Variants in RBFOX1 observed in about 807,000 individuals in gnomAD.
The protein encoded by RBFOX1 is RNA binding fox-1 homolog 1.
A neutral mutation model predicts 57.7 loss-of-function variants in RBFOX1; 8 were observed. That is an observed-to-expected ratio of 0.14 (90% CI 0.08 to 0.25). The LOEUF is 0.25. Among genes scored for constraint, RBFOX1 ranks in the 10% least tolerant of loss-of-function variants. The pLI, the probability that RBFOX1 is intolerant of heterozygous loss-of-function variation, is 1.00. For synonymous variants in RBFOX1, 326 were observed against 222.4 expected, an observed-to-expected ratio of 1.47 and a Z score of -4.15; for missense variants, 611 against 548.5, an observed-to-expected ratio of 1.11 and a Z score of -1.14.
chr16:7,618,066 C>T (rs1478208070), intron 10 of RBFOX1, among the ~76,000 whole-genome samples: 1 of 151,828 alleles, frequency 6.6e-6, no homozygotes, highest in African/African-American at 2.4e-5. Flanking sequence ...AATTTCTGAG[C>T]CAAGTTGACG....
chr16:6,042,326 C>G (rs2095446103), intron 1 of RBFOX1, among the ~76,000 whole-genome samples: 1 of 152,022 alleles, frequency 6.6e-6, no homozygotes, highest in South Asian at 2.1e-4. Flanking sequence ...GTCTCGATCT[C>G]TTAACATTGG....
chr16:6,608,578 C>T (rs909836125), intron 2 of RBFOX1, among the ~76,000 whole-genome samples: 1 of 152,080 alleles, frequency 6.6e-6, no homozygotes, highest in African/African-American at 2.4e-5. Flanking sequence ...CGCTTGAGAC[C>T]AGGAGTTTGA....
intron 1 of RBFOX1, among the ~76,000 whole-genome samples, chr16:6,100,599 T>C (rs548083046): frequency 5.1e-4 from 78 of 152,224 alleles, no homozygotes; most frequent in Admixed American, 1.1e-3. Flanking sequence ...TTCTCTTTTT[T>C]TGTCACATAA....
At chr16:6,289,124 T>C (rs1291236564) in intron 1 of RBFOX1, among the ~76,000 whole-genome samples, 1 of 152,180 alleles carries the variant, frequency 6.6e-6, no homozygotes, top group Non-Finnish European at 1.5e-5. Context: ...AAAAAGGGAA[T>C]TTACTTATCT....
At chr16:5,446,831 T>G (rs2068254524) in intron 1 of RBFOX1, among the ~76,000 whole-genome samples, 1 of 152,040 alleles carries the variant, frequency 6.6e-6, no homozygotes, top group African/African-American at 2.4e-5. Flanking sequence ...GCACTGTGTA[T>G]TAGGTGGCAT....
chr16:6,612,863 A>AAATAAT (rs60899951), intron 2 of RBFOX1, among the ~76,000 whole-genome samples: 58,575 of 131,806 alleles, frequency 0.44, 14,893 homozygotes, highest in Non-Finnish European at 0.55. Flanking sequence ...AAAAAAAAAA[A>AAATAAT]AATAATAATA....
At chr16:6,319,824 AC>A (rs1361940347) in intron 2 of RBFOX1, among the ~76,000 whole-genome samples, 4 of 152,194 alleles carry the variant, frequency 2.6e-5, no homozygotes, top group African/African-American at 9.6e-5. Context: ...TGAAAATTTA[AC>A]TTCCAAGAGG....
At chr16:6,087,689 C>G (rs1306240040) in intron 1 of RBFOX1, among the ~76,000 whole-genome samples, 1 of 149,112 alleles carries the variant, frequency 6.7e-6, no homozygotes, top group Non-Finnish European at 1.5e-5. Flanking sequence ...GAGTCTTGCT[C>G]TTTCACCAGG....
At chr16:5,908,407 C>T (rs916329791) in intron 4 of RBFOX1, among the ~76,000 whole-genome samples, 8 of 151,098 alleles carry the variant, frequency 5.3e-5, no homozygotes, top group Non-Finnish European at 8.8e-5. Context: ...GGCTGGAGTG[C>T]AGTAGTGCGA....
intron 4 of RBFOX1, among the ~76,000 whole-genome samples, chr16:7,474,985 G>A (rs1167358996): frequency 6.6e-6 from 1 of 152,174 alleles, no homozygotes; most frequent in East Asian, 1.9e-4. Flanking sequence ...ATTTTTGAAT[G>A]TCCCAGGATG....
At chr16:7,255,755 T>C (rs529971093) in intron 4 of RBFOX1, among the ~76,000 whole-genome samples, 1 of 152,250 alleles carries the variant, frequency 6.6e-6, no homozygotes, top group South Asian at 2.1e-4. Context: ...CATATTTCAA[T>C]ATATAATCAA....
intron 3 of RBFOX1, among the ~76,000 whole-genome samples, chr16:6,661,811 C>T (rs374441615): frequency 1.6e-4 from 24 of 152,270 alleles, no homozygotes; most frequent in Middle Eastern, 3.4e-3. Flanking sequence ...GATTTAGCGG[C>T]GGGATGCCTG....
intron 3 of RBFOX1, among the ~76,000 whole-genome samples, chr16:6,655,309 G>T (rs1890014010): frequency 7.3e-6 from 1 of 136,222 alleles, no homozygotes; most frequent in African/African-American, 2.7e-5. Flanking sequence ...TGGAGGTGGA[G>T]ACTGCAGTGA....
intron 1 of RBFOX1, among the ~76,000 whole-genome samples, chr16:5,440,269 A>C (rs569930282): frequency 1.3e-4 from 20 of 152,332 alleles, no homozygotes; most frequent in South Asian, 4.1e-4. Flanking sequence ...TCCAGGTACA[A>C]AATCTCCTTC....
At chr16:6,556,222 G>T (rs1013400838) in intron 2 of RBFOX1, among the ~76,000 whole-genome samples, 1 of 152,122 alleles carries the variant, frequency 6.6e-6, no homozygotes, top group Non-Finnish European at 1.5e-5. Context: ...CTTTATCAAC[G>T]TCTCTCTATC....
chr16:5,560,551 G>T (rs2045854744), intron 2 of RBFOX1, among the ~76,000 whole-genome samples: 1 of 152,174 alleles, frequency 6.6e-6, no homozygotes, highest in Admixed American at 6.5e-5. Context: ...TGAATCTCCT[G>T]TCATCTGTGC....
chr16:7,576,639 T>A (rs2093361001), intron 5 of RBFOX1, among the ~76,000 whole-genome samples: 1 of 152,236 alleles, frequency 6.6e-6, no homozygotes. Flanking sequence ...CAAAGATTTC[T>A]CCAAAGTGCT....
intron 4 of RBFOX1, among the ~76,000 whole-genome samples, chr16:7,334,226 C>T (rs12448770): frequency 0.46 from 70,415 of 151,856 alleles, 18,553 homozygotes; most frequent in East Asian, 0.88. Context: ...TTCTCTCTTT[C>T]TGGATTTATG....
intron 4 of RBFOX1, among the ~76,000 whole-genome samples, chr16:7,099,295 C>G (rs1333248210): frequency 1.3e-5 from 2 of 152,094 alleles, no homozygotes; most frequent in Non-Finnish European, 2.9e-5. Context: ...GGCTCAAAAA[C>G]CAAGGAATTT....
Sources: gnomAD v4.1 joint callset for allele counts (sites outside exome capture counted in the v4.1 genomes callset) on GRCh38, gnomAD v4.1.1 for gene constraint, MANE v1.5 for transcripts, NCBI Gene and HGNC (gene_info 2026-07-23, HGNC 2026-07-21) for gene names.